The following ACBD6 variants were observed in gnomAD, a reference collection of about 807,000 sequenced individuals.
ACBD6 encodes the protein acyl-CoA-binding domain-containing protein 6.
Under a neutral mutation model 37.2 loss-of-function variants are expected in ACBD6, and 28 were observed. The observed-to-expected ratio is 0.75, with a 90% confidence interval of 0.56 to 1.03. The LOEUF (loss-of-function observed/expected upper bound fraction) is 1.03. ACBD6 is among the 50% of genes least tolerant of loss of function. The pLI is 0.00. For missense variants in ACBD6, 340 were observed against 337.4 expected, an observed-to-expected ratio of 1.01 and a Z score of -0.06; for synonymous variants, 113 against 126.8, an observed-to-expected ratio of 0.89 and a Z score of 0.73.
intron 4 of ACBD6, among the ~76,000 whole-genome samples, chr1:180,417,513 C>G (rs1648149240): frequency 6.6e-6 from 1 of 152,170 alleles, no homozygotes; most frequent in African/African-American, 2.4e-5. Context: ...TTTATGTTCA[C>G]AAATAATCAT....
chr1:180,459,991 TTA>T (rs1435921507), intron 3 of ACBD6, among the ~76,000 whole-genome samples: 6 of 144,836 alleles, frequency 4.1e-5, no homozygotes, highest in Admixed American at 2.8e-4. Context: ...TTTTTTTTTT[TTA>T]ATTATACTTT....
chr1:180,375,951 T>C (rs1653415288), intron 6 of ACBD6, among the ~76,000 whole-genome samples: 1 of 152,016 alleles, frequency 6.6e-6, no homozygotes, highest in East Asian at 1.9e-4. Context: ...AGGGTTAATA[T>C]CCATGGTATA....
intron 7 of ACBD6, among the ~76,000 whole-genome samples, chr1:180,308,974 ATAATT>A (rs1650488799): frequency 6.6e-6 from 1 of 152,232 alleles, no homozygotes; most frequent in African/African-American, 2.4e-5. Flanking sequence ...AACCTTTAAA[ATAATT>A]TAACTTTTGA....
intron 3 of ACBD6, among the ~76,000 whole-genome samples, chr1:180,480,279 C>CA (rs71121022): frequency 0.49 from 73,821 of 151,942 alleles, 20,723 homozygotes; most frequent in South Asian, 0.66. Context: ...GGAGGCATTG[C>CA]AACAGCCTAG....
intron 6 of ACBD6, among the ~76,000 whole-genome samples, chr1:180,358,564 A>AAG (rs1553297719): frequency 6.6e-6 from 1 of 150,472 alleles, no homozygotes; most frequent in African/African-American, 2.4e-5. Context: ...CCCAAAAAAA[A>AAG]CCCCAAAAGA....
intron 3 of ACBD6, among the ~76,000 whole-genome samples, chr1:180,478,640 T>A (rs575167345): frequency 1.3e-5 from 2 of 151,890 alleles, no homozygotes; most frequent in Admixed American, 6.6e-5. Flanking sequence ...AGTACCACCA[T>A]TGCTGGCTAA....
chr1:180,435,724 A>C (rs748923417), intron 3 of ACBD6: 1 of 845,668 alleles, frequency 1.2e-6, no homozygotes, highest in Non-Finnish European at 2.1e-6. Flanking sequence ...TCGCCTGGAC[A>C]GCAGGAAACA....
chr1:180,444,866 C>T lies in ACBD6; in HGVS notation c.385-14604G>A, dbSNP rs1181533576. On this transcript the variant is annotated intron_variant, in intron 3 of 7. Coordinates refer to ENST00000367595, the MANE Select transcript of ACBD6 (RefSeq NM_032360.4). ...CTAAATCTTTATCACTTGATTCAGA[C>T]TCCACCTTAGTCAGTTTTAGAGTCA... 2.6e-5 allele frequency among the ~76,000 whole-genome samples: 4 copies of T among 152,204 alleles called. No homozygotes were observed. The East Asian group carries it at 5.8e-4, about 22-fold the overall frequency.
chr1:180,402,031 A>C (rs758398660), intron 5 of ACBD6, among the ~76,000 whole-genome samples: 1 of 152,184 alleles, frequency 6.6e-6, no homozygotes, highest in Non-Finnish European at 1.5e-5. Context: ...GAAATACTGC[A>C]AACAGGTAGA....
intron 4 of ACBD6, 101 bp from the exon 5 acceptor site, chr1:180,413,572 TCTG>T: frequency 1.1e-6 from 1 of 912,024 alleles, no homozygotes; most frequent in Middle Eastern, 3.3e-4. Context: ...GTTAATGGAC[TCTG>T]CTTACAAAAA....
intron 3 of ACBD6, among the ~76,000 whole-genome samples, chr1:180,491,734 C>G (rs75805195): frequency 0.13 from 19,443 of 152,192 alleles, 1,666 homozygotes; most frequent in South Asian, 0.23. Context: ...AATTTTTCTG[C>G]TTTCAAAAAC....
At chr1:180,459,440 T>C (rs1263330616) in intron 3 of ACBD6, among the ~76,000 whole-genome samples, 2 of 152,214 alleles carry the variant, frequency 1.3e-5, no homozygotes, top group African/African-American at 2.4e-5. Context: ...AATTAGGTCC[T>C]GCAACTCACA....
chr1:180,286,666 T>C (rs908101630), downstream of ACBD6, among the ~76,000 whole-genome samples: 3 of 152,208 alleles, frequency 2.0e-5, no homozygotes, highest in African/African-American at 7.2e-5. Flanking sequence ...CTACTAGAAT[T>C]ACAGCATTTC....
At chr1:180,431,943 C>G (rs765021445) in intron 3 of ACBD6, among the ~76,000 whole-genome samples, 4 of 152,118 alleles carry the variant, frequency 2.6e-5, no homozygotes, top group Non-Finnish European at 4.4e-5. Flanking sequence ...CAATGGCTCA[C>G]ACCTATAATC....
At chr1:180,323,813 A>T (rs1475531082) in intron 6 of ACBD6, among the ~76,000 whole-genome samples, 1 of 151,824 alleles carries the variant, frequency 6.6e-6, no homozygotes, top group Non-Finnish European at 1.5e-5. Context: ...TGTCTCTTGT[A>T]GGCAACAGAT....
At chr1:180,374,464 A>T (rs1653363933) in intron 6 of ACBD6, among the ~76,000 whole-genome samples, 1 of 152,236 alleles carries the variant, frequency 6.6e-6, no homozygotes, top group Non-Finnish European at 1.5e-5. Context: ...TGAGAGAATC[A>T]AGGATTAAGA....
At position 180,461,334 on chromosome 1, in the gene ACBD6, T is replaced by C. The variant is rs532916289; in HGVS notation, c.384+30935A>G. Among the ~76,000 whole-genome samples, 12 of 152,280 alleles carry C rather than the reference T, an allele frequency of 7.9e-5. No individual in the cohort carries two copies. In the South Asian group the frequency reaches 2.3e-3, roughly 29 times the overall value. On this transcript the variant is annotated intron_variant, in intron 3 of 7. Coordinates refer to ENST00000367595, the MANE Select transcript of ACBD6 (RefSeq NM_032360.4). ...CCAATTTGGAAAACATATTTCAGGA[T>C]ATCATCCTTGAGAACTTTCCCAACC...
chr1:180,466,169 A>G (rs142111681), intron 3 of ACBD6, among the ~76,000 whole-genome samples: 21 of 152,348 alleles, frequency 1.4e-4, no homozygotes, highest in African/African-American at 4.1e-4. Context: ...AAGAAAAAAT[A>G]AAGTGGGTAA....
At chr1:180,416,393 A>T (rs919455502) in intron 4 of ACBD6, among the ~76,000 whole-genome samples, 8 of 152,192 alleles carry the variant, frequency 5.3e-5, no homozygotes, top group Non-Finnish European at 1.2e-4. Context: ...ATGCAAATGA[A>T]TCCAACCATT....
Sources: gnomAD v4.1 joint callset for allele counts (sites outside exome capture counted in the v4.1 genomes callset) on GRCh38, gnomAD v4.1.1 for gene constraint, MANE v1.5 for transcripts, NCBI Gene and HGNC (gene_info 2026-07-23, HGNC 2026-07-21) for gene names.